NOS1AP: variants seen among roughly 807,000 people sequenced by gnomAD.
NOS1AP encodes the protein carboxyl-terminal PDZ ligand of neuronal nitric oxide synthase protein.
In NOS1AP, 21 loss-of-function variants were observed where a neutral mutation model predicts 56.2. That is an observed-to-expected ratio of 0.37 (90% CI 0.26 to 0.54). The LOEUF (loss-of-function observed/expected upper bound fraction) is 0.54. Among genes scored for constraint, NOS1AP ranks in the 20% least tolerant of loss-of-function variants. NOS1AP has a pLI of 0.84. For synonymous variants in NOS1AP, 270 were observed against 274.6 expected (o/e 0.98, Z 0.17); for missense variants, 522 against 657.8 (o/e 0.79, Z 2.26).
At chr1:162,198,527 C>T (rs1238610470) in intron 2 of NOS1AP, among the ~76,000 whole-genome samples, 4 of 152,182 alleles carry the variant, frequency 2.6e-5, no homozygotes, top group Admixed American at 2.6e-4. Context: ...GAAAACGATG[C>T]AGGGTCTTGA....
chr1:162,114,065 G>T lies in NOS1AP; in HGVS notation c.106-40340G>T, dbSNP rs143102690. ...AATATGGCTTCCTTGCTCATTTGTA[G>T]TTTCAGTTTAAGGTGGCACAGTGTT... On this transcript the variant is annotated intron_variant, in intron 1 of 9. Coordinates refer to ENST00000361897, the MANE Select transcript of NOS1AP (RefSeq NM_014697.3). 1.4e-3 allele frequency among the ~76,000 whole-genome samples: 218 copies of T among 152,296 alleles called. 1 individual carries two copies. Among genetic ancestry groups the T allele is most frequent in the African/African-American group, 5.1e-3 (210 of 41,564 alleles).
chr1:162,104,588 T>C (rs1647425956), intron 1 of NOS1AP, among the ~76,000 whole-genome samples: 1 of 152,224 alleles, frequency 6.6e-6, no homozygotes, highest in South Asian at 2.1e-4. Context: ...CCTATATTTC[T>C]CGGAGGTTTT....
Position 162,362,630 on chromosome 1 carries a change from A to G in NOS1AP, c.940-2774A>G, listed in dbSNP as rs147614389. Among the ~76,000 whole-genome samples the G allele has an allele frequency of 3.3e-3, 502 of 152,330 alleles. 1 individual carries two copies. Among genetic ancestry groups the G allele is most frequent in the Non-Finnish European group, 5.0e-3 (341 of 68,028 alleles). ...TTCTCTCTGGTTGGTTTGGTTCCAAAGAAAATGGAAGATGAATAATTTAGT... is the reference window on the plus strand; with the variant it reads ...TTCTCTCTGGTTGGTTTGGTTCCAAGGAAAATGGAAGATGAATAATTTAGT... On this transcript the variant is annotated intron_variant, in intron 8 of 9. Transcript: ENST00000361897.
chr1:162,312,668 T>C (rs1408227578), intron 4 of NOS1AP, among the ~76,000 whole-genome samples: 1 of 151,556 alleles, frequency 6.6e-6, no homozygotes, highest in Non-Finnish European at 1.5e-5. Context: ...CATGCCTATG[T>C]CCTGAATGGT....
intron 2 of NOS1AP, among the ~76,000 whole-genome samples, chr1:162,252,201 C>T (rs1653886939): frequency 6.6e-6 from 1 of 151,944 alleles, no homozygotes; most frequent in Non-Finnish European, 1.5e-5. Flanking sequence ...TGTGTGCTAC[C>T]ATGTCCAGCT....
At chr1:162,089,641 T>A (rs1692084237) in intron 1 of NOS1AP, among the ~76,000 whole-genome samples, 1 of 152,182 alleles carries the variant, frequency 6.6e-6, no homozygotes, top group South Asian at 2.1e-4. Context: ...TGGGTGGGCT[T>A]TAAATATAGT....
chr1:162,217,020 C>T (rs1652593227), intron 2 of NOS1AP, among the ~76,000 whole-genome samples: 1 of 152,200 alleles, frequency 6.6e-6, no homozygotes, highest in Non-Finnish European at 1.5e-5. Context: ...AAATCTTTTC[C>T]TGCTGTGAAG....
intron 8 of NOS1AP, among the ~76,000 whole-genome samples, chr1:162,357,973 C>A (rs911588519): frequency 6.7e-6 from 1 of 148,432 alleles, no homozygotes; most frequent in African/African-American, 2.4e-5. Context: ...AATCCTGAGG[C>A]GAGAGGCAGG....
At chr1:162,316,003 A>G (rs1656215782) in intron 4 of NOS1AP, among the ~76,000 whole-genome samples, 1 of 152,136 alleles carries the variant, frequency 6.6e-6, no homozygotes, top group African/African-American at 2.4e-5. Flanking sequence ...ATAGGGCTCA[A>G]TACGTATTTA....
Position 162,070,061 on chromosome 1 carries a change from C to A in NOS1AP, c.-117C>A, listed in dbSNP as rs946520501. The A allele has an allele frequency of 1.3e-5, 10 of 753,556 alleles. No homozygotes were observed. Among genetic ancestry groups the A allele is most frequent in the Non-Finnish European group, 1.9e-5 (9 of 461,972 alleles). The allele number at this position is 753,556 out of a possible 1,614,324, so 46.7% of individuals were successfully genotyped here. A position where few individuals can be genotyped will look rare whatever the true frequency, so the allele number is the denominator to read the frequency against. On this transcript the variant is annotated 5_prime_UTR_variant, in exon 1 of 10. Transcript: ENST00000361897. ...CGCGGCCAGGGCTCCCCCTGCCCAG[C>A]GCTCCCAGGCCCCGCCACGCGTCGC...
intron 2 of NOS1AP, among the ~76,000 whole-genome samples, chr1:162,252,093 G>A (rs1299532645): frequency 6.6e-6 from 1 of 151,932 alleles, no homozygotes; most frequent in Non-Finnish European, 1.5e-5. Flanking sequence ...AAGCTGGAAT[G>A]CAGTGGTGCA....
chr1:162,251,433 T>A (rs1653844967), intron 2 of NOS1AP, among the ~76,000 whole-genome samples: 1 of 152,122 alleles, frequency 6.6e-6, no homozygotes, highest in South Asian at 2.1e-4. Context: ...AACATGCAGA[T>A]CATCTATTAC....
chr1:162,323,415 C>T (rs959889616), intron 4 of NOS1AP, among the ~76,000 whole-genome samples: 2 of 152,228 alleles, frequency 1.3e-5, no homozygotes, highest in African/African-American at 4.8e-5. Flanking sequence ...ATAATTGTTA[C>T]AGCAGCCCTA....
At chr1:162,283,293 T>C (rs1469781891) in intron 2 of NOS1AP, among the ~76,000 whole-genome samples, 1 of 152,138 alleles carries the variant, frequency 6.6e-6, no homozygotes, top group Non-Finnish European at 1.5e-5. Flanking sequence ...GCCCTTCCCC[T>C]GGACTCTGAG....
chr1:162,148,883 A>G (rs1649589723), intron 1 of NOS1AP, among the ~76,000 whole-genome samples: 1 of 152,054 alleles, frequency 6.6e-6, no homozygotes, highest in African/African-American at 2.4e-5. Context: ...AGAGAGGTAG[A>G]GGGGAGAGAA....
At chr1:162,119,294 G>C (rs1648104058) in intron 1 of NOS1AP, among the ~76,000 whole-genome samples, 1 of 152,220 alleles carries the variant, frequency 6.6e-6, no homozygotes, top group South Asian at 2.1e-4. Context: ...CTCCAGTTTG[G>C]AAATGGGGTC....
chr1:162,081,020 T>G, intron 1 of NOS1AP, among the ~76,000 whole-genome samples: 1 of 152,182 alleles, frequency 6.6e-6, no homozygotes, highest in South Asian at 2.1e-4. Flanking sequence ...ACAGGTAGTG[T>G]GGCTCAGGGT....
intron 2 of NOS1AP, among the ~76,000 whole-genome samples, chr1:162,172,571 G>A (rs1650845408): frequency 6.6e-6 from 1 of 152,162 alleles, no homozygotes; most frequent in South Asian, 2.1e-4. Context: ...TCTTGATGAG[G>A]CGGGTGGTTT....
intron 2 of NOS1AP, among the ~76,000 whole-genome samples, chr1:162,200,148 T>C (rs1460046031): frequency 3.3e-5 from 5 of 152,218 alleles, no homozygotes; most frequent in African/African-American, 1.2e-4. Context: ...ATCTAGAAGT[T>C]GTGGTGTTTC....
Sources: gnomAD v4.1 joint callset for allele counts (sites outside exome capture counted in the v4.1 genomes callset) on GRCh38, gnomAD v4.1.1 for gene constraint, MANE v1.5 for transcripts, NCBI Gene and HGNC (gene_info 2026-07-23, HGNC 2026-07-21) for gene names.